Variants in TMCO6 observed in about 807,000 individuals in gnomAD.
TMCO6 encodes transmembrane and coiled-coil domain-containing protein 6.
Under a neutral mutation model 61.8 loss-of-function variants are expected in TMCO6, and 47 were observed. The observed-to-expected ratio is 0.76, with a 90% CI of 0.60 to 0.97. The LOEUF (loss-of-function observed/expected upper bound fraction) is 0.97. TMCO6 is among the 50% of genes least tolerant of loss of function. The pLI, the probability that TMCO6 is intolerant of heterozygous loss-of-function variation, is 0.00. For missense variants in TMCO6, 557 were observed against 601.6 expected (o/e 0.93, Z 0.78); for synonymous variants, 261 against 254.2 (o/e 1.03, Z -0.25).
At chr5:140,640,481 C>T (rs1206313492) in intron 2 of TMCO6, among the ~76,000 whole-genome samples, 2 of 151,644 alleles carry the variant, frequency 1.3e-5, no homozygotes, top group African/African-American at 4.9e-5. Flanking sequence ...TCTCGGCTCA[C>T]TGCAACATCC....
chr5:140,639,886 G>A (rs1432712917), intron 2 of TMCO6, 35 bp downstream of exon 2: 9 of 1,550,208 alleles, frequency 5.8e-6, no homozygotes, highest in Non-Finnish European at 7.9e-6. Flanking sequence ...TGGAGTCCAC[G>A]CCCGCTGGCG....
At position 140,644,654 on chromosome 5, in the gene TMCO6, T is replaced by C. The variant is rs765755340; in HGVS notation, c.1282T>C (p.Leu428=). The stretch of plus-strand genomic sequence containing the variant: ...GTGGCCAGGGCCCCTGCTTCCCGCC[T>C]TGCTGCACACACTAGCCTTTTCTGA... ...RLWPGPLLPA[L]LHTLAFSDTE... Residue 428 remains leucine, a synonymous_variant, in exon 11 of 12, where the codon TTG becomes CTG. Coordinates refer to ENST00000394671, the MANE Select transcript of TMCO6 (RefSeq NM_018502.5). The C allele has an allele frequency of 3.9e-5, 63 of 1,614,136 alleles. 2 individuals are homozygous for C. In the South Asian group the frequency reaches 6.1e-4, roughly 16 times the overall value.
the TMCO6 span, among the ~76,000 whole-genome samples, chr5:140,606,940 C>T: frequency 4.7e-5 from 7 of 148,682 alleles, no homozygotes; most frequent in Admixed American, 2.0e-4. Flanking sequence ...TAGGCCCGGG[C>T]TAATGTGTGT....
chr5:140,643,616 T>C lies in TMCO6; in HGVS notation c.859T>C (p.Leu287=), dbSNP rs754992410. The part of the protein sequence containing the change: ...IGHGALSTLG[L]LLLDLAGAVQ... ...CCATGGGGCTCTGTCTACTCTGGGGTTGCTGCTGTTGGACTTGGCTGGGGC... is the reference window on the plus strand; with the variant it reads ...CCATGGGGCTCTGTCTACTCTGGGGCTGCTGCTGTTGGACTTGGCTGGGGC... The change falls in exon 8 of 12, where the codon TTG becomes CTG. Residue 287 remains leucine (L), a synonymous_variant. Coordinates refer to ENST00000394671, the MANE Select transcript of TMCO6 (RefSeq NM_018502.5). 1.9e-6 allele frequency: 3 copies of C among 1,614,026 alleles called. No individual in the cohort carries two copies. The highest frequency in any genetic ancestry group is 1.7e-5 in the Admixed American group (1 of 59,958).
chr5:140,639,504 C>A lies in TMCO6; in HGVS notation c.-24C>A, dbSNP rs1422466228. 2.2e-5 allele frequency: 34 copies of A among 1,548,310 alleles called. No individual in the cohort carries two copies. The highest frequency in any genetic ancestry group is 3.0e-5 in the Non-Finnish European group (34 of 1,145,754). ...GGAGCGTTGTGGCTGCTGTTTCCTT[C>A]GGCTTTCCTCCTCCTGCTCCACCAT... On this transcript the variant is annotated 5_prime_UTR_variant, in exon 1 of 12. Coordinates refer to ENST00000394671, the MANE Select transcript of TMCO6 (RefSeq NM_018502.5).
At chr5:140,612,334 C>CTTTTTTT in the TMCO6 span, among the ~76,000 whole-genome samples, 17 of 112,248 alleles carry the variant, frequency 1.5e-4, no homozygotes, top group African/African-American at 2.7e-4. Context: ...CTTGCCCAAT[C>CTTTTTTT]TTTTTTTTTT....
the TMCO6 span, among the ~76,000 whole-genome samples, chr5:140,598,133 A>C: frequency 6.6e-6 from 1 of 152,064 alleles, no homozygotes; most frequent in African/African-American, 2.4e-5. Context: ...TCATGAAAAC[A>C]TTTAAACAAG....
At chr5:140,605,392 TC>T in the TMCO6 span, among the ~76,000 whole-genome samples, 2 of 152,204 alleles carry the variant, frequency 1.3e-5, no homozygotes, top group African/African-American at 4.8e-5. Flanking sequence ...AAAAGTGGCA[TC>T]TTTAGGCCAG....
the TMCO6 span, among the ~76,000 whole-genome samples, chr5:140,612,930 C>A: frequency 6.6e-6 from 1 of 152,202 alleles, no homozygotes; most frequent in African/African-American, 2.4e-5. Flanking sequence ...GAACATTTGC[C>A]ATGTACCAGG....
chr5:140,599,111 G>T, the TMCO6 span, among the ~76,000 whole-genome samples: 1 of 152,196 alleles, frequency 6.6e-6, no homozygotes, highest in African/African-American at 2.4e-5. Context: ...CTTGCTGGCA[G>T]ACAAAACAGT....
At chr5:140,645,717 C>T (rs780685763), downstream of TMCO6, 44 of 1,613,986 alleles carry the variant, frequency 2.7e-5, no homozygotes, top group African/African-American at 4.9e-4. Flanking sequence ...CTATTCTGCA[C>T]CCTGGAGGCT....
the TMCO6 span, chr5:140,633,032 G>T: frequency 4.3e-5 from 70 of 1,613,364 alleles, no homozygotes; most frequent in Non-Finnish European, 5.6e-5. Context: ...TGTGGCTCCC[G>T]AGTGGCACGC....
At chr5:140,614,007 T>G in the TMCO6 span, among the ~76,000 whole-genome samples, 1 of 152,044 alleles carries the variant, frequency 6.6e-6, no homozygotes, top group African/African-American at 2.4e-5. Context: ...CATGCCATTC[T>G]CCTGCCTCAG....
chr5:140,647,397 G>A, downstream of TMCO6: 4 of 1,611,294 alleles, frequency 2.5e-6, no homozygotes, highest in Non-Finnish European at 3.4e-6. Context: ...GCGTGCTGTG[G>A]GCGGGGGCTT....
downstream of TMCO6, among the ~76,000 whole-genome samples, chr5:140,646,668 G>A (rs1441739816): frequency 1.3e-5 from 2 of 152,244 alleles, no homozygotes; most frequent in South Asian, 2.1e-4. Context: ...ACATTGCCAT[G>A]CCAGTCTTAG....
chr5:140,615,366 C>G, the TMCO6 span, among the ~76,000 whole-genome samples: 1 of 152,102 alleles, frequency 6.6e-6, no homozygotes, highest in East Asian at 1.9e-4. Context: ...TCAACACTCT[C>G]TAAAGTGATC....
At chr5:140,645,452 G>A, downstream of TMCO6, 1 of 1,181,290 alleles carries the variant, frequency 8.5e-7, no homozygotes, top group Non-Finnish European at 1.2e-6. Context: ...GGGTAGATGA[G>A]GACAAGAACA....
At chr5:140,645,872 T>A, downstream of TMCO6, 1 of 1,069,562 alleles carries the variant, frequency 9.3e-7, no homozygotes, top group Non-Finnish European at 1.4e-6. Flanking sequence ...CAAGTCCAAA[T>A]AGAATTTTGG....
At position 140,641,912 on chromosome 5, in the gene TMCO6, C is replaced by T; in HGVS notation, c.357C>T (p.Ser119=). 6.2e-7 allele frequency: 1 copy of T among 1,613,386 alleles called. No individual in the cohort carries two copies. Among genetic ancestry groups the T allele is most frequent in the Non-Finnish European group, 8.5e-7 (1 of 1,179,356 alleles). Residue 119 remains serine (S), a synonymous_variant, in exon 4 of 12, where the codon AGC becomes AGT. Coordinates refer to ENST00000394671, the MANE Select transcript of TMCO6 (RefSeq NM_018502.5). ...SMRTLVGLLT[S]NQALLQLEAA... ...GGACCCTGGTCGGGCTCCTGACCAGCAACCAGGCCCTGCTGCAGCTTGAGG... is the reference window on the plus strand; with the variant it reads ...GGACCCTGGTCGGGCTCCTGACCAGTAACCAGGCCCTGCTGCAGCTTGAGG...
Sources: gnomAD v4.1 joint callset for allele counts (sites outside exome capture counted in the v4.1 genomes callset) on GRCh38, gnomAD v4.1.1 for gene constraint, MANE v1.5 for transcripts, NCBI Gene and HGNC (gene_info 2026-07-23, HGNC 2026-07-21) for gene names.